Variants in DHRS7C observed in about 807,000 individuals in gnomAD.
DHRS7C encodes the protein dehydrogenase/reductase SDR family member 7C.
In DHRS7C, 28 loss-of-function variants were observed where a neutral mutation model predicts 29.6. The ratio of observed to expected loss-of-function variants is 0.95; its 90% CI spans 0.70 to 1.30. DHRS7C has a LOEUF of 1.30. DHRS7C is among the 50% of genes most tolerant of loss of function. The pLI is 0.00. For missense variants in DHRS7C, 403 were observed against 393.3 expected (o/e 1.02, Z -0.21); for synonymous variants, 158 against 160.2 (o/e 0.99, Z 0.10).
At chr17:9,780,664 A>C (rs2066388409) in intron 2 of DHRS7C, among the ~76,000 whole-genome samples, 1 of 152,152 alleles carries the variant, frequency 6.6e-6, no homozygotes, top group South Asian at 2.1e-4. Context: ...TAGTCCTGAG[A>C]TATGCCCTTG....
At chr17:9,771,720 G>A in intron 5 of DHRS7C, 24 bp from the exon 6 acceptor site, 3 of 1,424,988 alleles carry the variant, frequency 2.1e-6, no homozygotes, top group South Asian at 3.2e-5. Flanking sequence ...GTTGGGGGCG[G>A]GGGTTATGAC....
chr17:9,775,539 G>A lies in DHRS7C; in HGVS notation c.571+1654C>T, dbSNP rs903326683. ...ACCCAGTGGTGACCACACGGAAGAT[G>A]TTGTTGATGGAATGACTTAGCATGA... On this transcript the variant is annotated intron_variant, in intron 4 of 5. Coordinates refer to ENST00000571134, the MANE Select transcript of DHRS7C (RefSeq NM_001105571.3). The surrounding 1 kb of genome is among the most constrained non-coding windows in gnomAD (Gnocchi z 4.2). 5.3e-5 allele frequency among the ~76,000 whole-genome samples: 8 copies of A among 152,174 alleles called. No individual in the cohort carries two copies. Among genetic ancestry groups the A allele is most frequent in the African/African-American group, 1.7e-4 (7 of 41,424 alleles).
chr17:9,790,607 C>A (rs1380070947), intron 1 of DHRS7C, among the ~76,000 whole-genome samples: 1 of 152,200 alleles, frequency 6.6e-6, no homozygotes, highest in African/African-American at 2.4e-5. Context: ...TGAGTGATAT[C>A]CACTGTAGCT....
rs1314039218 is a variant in DHRS7C at position 9,777,312 on chromosome 17, G to T, written c.479-27C>A. 4 of 1,600,872 alleles carry T rather than the reference G, an allele frequency of 2.5e-6. No homozygotes were observed. The Admixed American group carries it at 6.8e-5, about 27-fold the overall frequency. Reference sequence around the variant, plus strand: ...TGGAAAACACAGGACGATGCATCATGGTTAAAACTTTGAGACTGAGTTAGG... The same window carrying T: ...TGGAAAACACAGGACGATGCATCATTGTTAAAACTTTGAGACTGAGTTAGG... On this transcript the variant is annotated intron_variant, in intron 3 of 5. Transcript: ENST00000571134.
chr17:9,785,784 T>C (rs922933658), intron 1 of DHRS7C, among the ~76,000 whole-genome samples: 1 of 151,958 alleles, frequency 6.6e-6, no homozygotes, highest in Non-Finnish European at 1.5e-5. Context: ...GCACTGTCAG[T>C]TGGGTGAGAG....
At chr17:9,785,670 T>TC (rs2066419218) in intron 1 of DHRS7C, among the ~76,000 whole-genome samples, 1 of 152,022 alleles carries the variant, frequency 6.6e-6, no homozygotes, top group African/African-American at 2.4e-5. Flanking sequence ...AAATGAATAA[T>TC]CCTAGGGAGG....
At chr17:9,788,794 C>T (rs930826096) in intron 1 of DHRS7C, among the ~76,000 whole-genome samples, 46 of 152,168 alleles carry the variant, frequency 3.0e-4, no homozygotes, top group African/African-American at 9.7e-4. Flanking sequence ...GAATCACTGC[C>T]GTCAGCAGCG....
chr17:9,788,453 C>T (rs554046037), intron 1 of DHRS7C, among the ~76,000 whole-genome samples: 101 of 152,074 alleles, frequency 6.6e-4, no homozygotes, highest in African/African-American at 2.3e-3. Flanking sequence ...GTGATCCACC[C>T]GCCTCAGCCT....
chr17:9,791,421 G>T lies in DHRS7C; in HGVS notation c.-137C>A, dbSNP rs558310198. On this transcript the variant is annotated 5_prime_UTR_variant, in exon 1 of 6. Coordinates refer to ENST00000571134, the MANE Select transcript of DHRS7C (RefSeq NM_001105571.3). ...AGCCTCCAAGCTGAACACCCAGTGG[G>T]CGTGCTAATCCCCAAATGTTCAACA... 4.4e-6 allele frequency: 4 copies of T among 918,458 alleles called. No individual in the cohort carries two copies. In the Admixed American group the frequency reaches 1.2e-4, roughly 28 times the overall value. 56.9% of individuals were successfully genotyped at this position (918,458 alleles called of 1,614,324 possible).
intron 1 of DHRS7C, among the ~76,000 whole-genome samples, chr17:9,783,181 G>T (rs1466678314): frequency 6.6e-6 from 1 of 152,166 alleles, no homozygotes; most frequent in Non-Finnish European, 1.5e-5. Flanking sequence ...TGAGAGAGCT[G>T]GGAGGAGGGC....
At chr17:9,780,141 T>G (rs1440256988) in intron 2 of DHRS7C, 106 bp from the exon 3 acceptor site, 8 of 876,346 alleles carry the variant, frequency 9.1e-6, no homozygotes, top group Admixed American at 3.2e-5. Context: ...TCAAAGATAA[T>G]GAAATGACTG....
intron 1 of DHRS7C, 145 bp downstream of exon 1, chr17:9,790,986 A>G: frequency 8.0e-6 from 8 of 1,005,244 alleles, no homozygotes; most frequent in Non-Finnish European, 9.8e-6. Context: ...TTGCTGGTTA[A>G]TGATAGAAGC....
Position 9,771,441 on chromosome 17 carries a change from C to T in DHRS7C, c.*47G>A. On this transcript the variant is annotated 3_prime_UTR_variant, in exon 6 of 6. Transcript: ENST00000571134. ...ATAGGACAGAAGCGCCAGCACCTGC[C>T]AGAAAAACCTTTATTTCCAAGGGGT... The T allele has an allele frequency of 7.0e-7, 1 of 1,424,102 alleles. No individual in the cohort carries two copies. Among genetic ancestry groups the T allele is most frequent in the South Asian group, 1.6e-5 (1 of 61,708 alleles). The allele number at this position is 1,424,102 out of a possible 1,614,324, so 88.2% of individuals were successfully genotyped here. A position where few individuals can be genotyped will look rare whatever the true frequency, so the allele number is the denominator to read the frequency against.
rs76667871 is a variant in DHRS7C, at chr17:9,788,994, T to A, written c.154+2137A>T. On this transcript the variant is annotated intron_variant, in intron 1 of 5. Transcript: ENST00000571134. ...GGTCCTGCAAAGGCTGTTTCCCTCA[T>A]GAGATGTATTTCCTGGGTGCCTGAT... Among the ~76,000 whole-genome samples, 69 of 152,292 alleles carry A rather than the reference T, an allele frequency of 4.5e-4. 3 individuals are homozygous for A. The East Asian group carries it at 0.012, about 26-fold the overall frequency.
chr17:9,791,085 T>C, intron 1 of DHRS7C, 46 bp downstream of exon 1: 3 of 1,573,084 alleles, frequency 1.9e-6, no homozygotes, highest in African/African-American at 2.7e-5. Context: ...ATCCTGCCAG[T>C]CCCTGGGGGC....
At chr17:9,776,328 G>A (rs1597924268) in intron 4 of DHRS7C, among the ~76,000 whole-genome samples, 1 of 152,174 alleles carries the variant, frequency 6.6e-6, no homozygotes, top group African/African-American at 2.4e-5. Context: ...CAGGGAGAAG[G>A]GTCCCAGAGG....
chr17:9,775,973 G>A lies in DHRS7C; in HGVS notation c.571+1220C>T, dbSNP rs192838865. 2.5e-4 allele frequency among the ~76,000 whole-genome samples: 38 copies of A among 152,306 alleles called. No homozygotes were observed. Among genetic ancestry groups the A allele is most frequent in the Non-Finnish European group, 3.8e-4 (26 of 68,026 alleles). On this transcript the variant is annotated intron_variant, in intron 4 of 5. Coordinates refer to ENST00000571134, the MANE Select transcript of DHRS7C (RefSeq NM_001105571.3). This position sits in a 1 kb window ranked among gnomAD's most constrained non-coding sequence, Gnocchi z 4.2. Reference sequence around the variant, plus strand: ...TCCCAGCACTTTGGGAGGTCAAGGCGGGTGAATCACCAGAGGTCAGGAGTT... The same window carrying A: ...TCCCAGCACTTTGGGAGGTCAAGGCAGGTGAATCACCAGAGGTCAGGAGTT...
rs961864593 is a variant in DHRS7C at position 9,773,015 on chromosome 17, T to C, written c.572-93A>G. 3 of 1,459,058 alleles carry C rather than the reference T, an allele frequency of 2.1e-6. No individual in the cohort carries two copies. The African/African-American group carries it at 4.2e-5, about 20-fold the overall frequency. The allele number at this position is 1,459,058 out of a possible 1,614,324, so 90.4% of individuals were successfully genotyped here. On this transcript the variant is annotated intron_variant, in intron 4 of 5. Coordinates refer to ENST00000571134, the MANE Select transcript of DHRS7C (RefSeq NM_001105571.3). ...GAGGCAGGAGGGCCGACAGACACAT[T>C]TCCTACAGGCGCAGAGCTGGGAAGA... is the stretch of plus-strand genomic sequence containing the variant.
chr17:9,771,943 G>T (rs2066331820), intron 5 of DHRS7C, among the ~76,000 whole-genome samples: 1 of 152,236 alleles, frequency 6.6e-6, no homozygotes, highest in Non-Finnish European at 1.5e-5. Flanking sequence ...TCGGAGGGCG[G>T]TTACGTGTGG....
Sources: allele counts gnomAD v4.1 joint callset (sites outside exome capture counted in the v4.1 genomes callset), GRCh38; gene constraint gnomAD v4.1.1; non-coding constraint Gnocchi (gnomAD v3.1); transcripts MANE v1.5; gene names NCBI Gene and HGNC (gene_info 2026-07-23, HGNC 2026-07-21).